The following MTOR variants were observed in gnomAD, a reference collection of about 807,000 sequenced individuals.
MTOR encodes mechanistic target of rapamycin kinase, also known as serine/threonine-protein kinase mTOR.
A neutral mutation model predicts 319.8 loss-of-function variants in MTOR; 70 were observed. The ratio of observed to expected loss-of-function variants is 0.22; its 90% CI spans 0.18 to 0.27. The LOEUF is 0.27. MTOR is among the 10% of genes least tolerant of loss of function. The pLI is 1.00. For missense variants in MTOR, 1,890 were observed against 3,274.4 expected (o/e 0.58, Z 10.32); for synonymous variants, 1,183 against 1,211.4 (o/e 0.98, Z 0.49).
At chr1:11,186,966 G>T (rs1645339901) in intron 28 of MTOR, among the ~76,000 whole-genome samples, 1 of 152,150 alleles carries the variant, frequency 6.6e-6, no homozygotes, top group African/African-American at 2.4e-5. Context: ...AAATGTCAAA[G>T]ACCAGACACT....
At chr1:11,148,627 C>T (rs886795331) in intron 31 of MTOR, among the ~76,000 whole-genome samples, 6 of 152,092 alleles carry the variant, frequency 3.9e-5, no homozygotes, top group African/African-American at 1.4e-4. Context: ...TAGGGCCAGG[C>T]GCTGTGGCTC....
intron 20 of MTOR, among the ~76,000 whole-genome samples, 173 bp from the exon 21 acceptor site, chr1:11,213,739 A>G (rs1295333096): frequency 6.6e-6 from 1 of 152,140 alleles, no homozygotes; most frequent in Non-Finnish European, 1.5e-5. Context: ...TGTTGCAGCT[A>G]CACTGGACAA....
chr1:11,253,598 A>G (rs534991386), intron 6 of MTOR, among the ~76,000 whole-genome samples: 35 of 152,248 alleles, frequency 2.3e-4, no homozygotes, highest in African/African-American at 7.9e-4. Flanking sequence ...CCCCCGTCAA[A>G]TAACACCACC....
chr1:11,225,762 T>C (rs1646815275), intron 19 of MTOR, among the ~76,000 whole-genome samples: 1 of 152,050 alleles, frequency 6.6e-6, no homozygotes. Flanking sequence ...AAATCTCTAG[T>C]AGAAAATTAA....
chr1:11,177,792 G>A (rs187456295), intron 28 of MTOR, among the ~76,000 whole-genome samples: 179 of 152,058 alleles, frequency 1.2e-3, no homozygotes, highest in African/African-American at 2.7e-3. Flanking sequence ...GAATGGGGGC[G>A]CGTGTGCAAA....
At chr1:11,254,931 AT>A (rs999408769) in intron 5 of MTOR, among the ~76,000 whole-genome samples, 1 of 151,770 alleles carries the variant, frequency 6.6e-6, no homozygotes, top group Non-Finnish European at 1.5e-5. Flanking sequence ...GGCCCAGCTA[AT>A]TTTTTTATTT....
chr1:11,173,727 T>C (rs1644897655), intron 28 of MTOR, among the ~76,000 whole-genome samples: 1 of 152,224 alleles, frequency 6.6e-6, no homozygotes, highest in African/African-American at 2.4e-5. Flanking sequence ...TCTTATTTCC[T>C]TCTGAGGAGT....
At chr1:11,177,283 C>T (rs756615059) in intron 28 of MTOR, among the ~76,000 whole-genome samples, 5 of 152,060 alleles carry the variant, frequency 3.3e-5, no homozygotes, top group African/African-American at 4.8e-5. Context: ...TTTGGCTAGG[C>T]GCGGTGGCTC....
In MTOR at chr1:11,139,318, T is replaced by C; in HGVS notation, c.5116A>G (p.Lys1706Glu). 1 of 1,607,766 alleles carries C rather than the reference T, an allele frequency of 6.2e-7. No homozygotes were observed. ...GGGATACAGACCTTGCGGGCACTCTTCCACATGTTTTTCATGTAGGCATAG... is the reference window on the plus strand; with the variant it reads ...GGGATACAGACCTTGCGGGCACTCTCCCACATGTTTTTCATGTAGGCATAG... ...VTYAYMKNMW[K>E]SARKIDAFQH... The change falls in exon 36 of 58, where the codon AAG becomes GAG. Residue 1706 changes from lysine to glutamate, a missense_variant. This residue lies in a region of MTOR where 276 missense variants were observed against 459.4 expected (regional missense o/e 0.60). Transcript: ENST00000361445.
rs536766439 is a variant in MTOR at position 11,135,605 on chromosome 1, G to A, written c.5131-1139C>T. On this transcript the variant is annotated intron_variant, in intron 36 of 57. Transcript: ENST00000361445. ...TCCCAGCACTTTAGGAGGCCGAGGC[G>A]GGTGGATCACCTGAGGTCAGGAGTT... Among the ~76,000 whole-genome samples, 12 of 152,204 alleles carry A rather than the reference G, an allele frequency of 7.9e-5. No homozygotes were observed. In the South Asian group the frequency reaches 8.3e-4, roughly 11 times the overall value.
In MTOR at chr1:11,226,038, G is replaced by A. The variant is rs780764580; in HGVS notation, c.3030+2630C>T. ...TTCTAAGCTGAACTGACATAAGATC[G>A]AAATTTAAAAATACATTATAACCAA... On this transcript the variant is annotated intron_variant, in intron 19 of 57. Transcript: ENST00000361445. Among the ~76,000 whole-genome samples, 13 of 152,028 alleles carry A rather than the reference G, an allele frequency of 8.6e-5. No homozygotes were observed. The East Asian group carries it at 1.7e-3, about 20-fold the overall frequency.
intron 46 of MTOR, 120 bp downstream of exon 46, chr1:11,126,502 A>C: frequency 8.9e-6 from 10 of 1,126,230 alleles, no homozygotes; most frequent in Non-Finnish European, 1.1e-5. Flanking sequence ...TGAGCATGGG[A>C]GAGATGTAGC....
At position 11,129,658 on chromosome 1, in the gene MTOR, A is replaced by G; in HGVS notation, c.5714+80T>C. 1 of 1,283,720 alleles carries G rather than the reference A, an allele frequency of 7.8e-7. No individual in the cohort carries two copies. Among genetic ancestry groups the G allele is most frequent in the Non-Finnish European group, 1.1e-6 (1 of 896,674 alleles). The allele number at this position is 1,283,720 out of a possible 1,614,324, so 79.5% of individuals were successfully genotyped here. Reference sequence around the variant, plus strand: ...GTGTCCTGATCAGGGTCAGGAAGGGAAAGAGGACTTTTACGTGTGACTTCT... The same window carrying G: ...GTGTCCTGATCAGGGTCAGGAAGGGGAAGAGGACTTTTACGTGTGACTTCT... On this transcript the variant is annotated intron_variant, in intron 40 of 57. Coordinates refer to ENST00000361445, the MANE Select transcript of MTOR (RefSeq NM_004958.4). The surrounding 1 kb of genome is among the most constrained non-coding windows in gnomAD (Gnocchi z 4.7).
At chr1:11,118,938 T>G (rs1557743920) in intron 49 of MTOR, among the ~76,000 whole-genome samples, 1 of 151,890 alleles carries the variant, frequency 6.6e-6, no homozygotes, top group Non-Finnish European at 1.5e-5. Context: ...ATAGGTGTGG[T>G]CTTAATGTGC....
intron 19 of MTOR, among the ~76,000 whole-genome samples, chr1:11,221,388 T>C (rs1334395179): frequency 1.3e-5 from 2 of 152,060 alleles, no homozygotes; most frequent in Non-Finnish European, 2.9e-5. Flanking sequence ...GCACAATCAC[T>C]CAAGAAGAAT....
intron 28 of MTOR, chr1:11,195,189 C>G: frequency 1.3e-6 from 1 of 754,926 alleles, no homozygotes; most frequent in Non-Finnish European, 2.1e-6. Flanking sequence ...TCATATGTAC[C>G]AAGGATGTTA....
Position 11,147,925 on chromosome 1 carries a change from G to A in MTOR, c.4571-1134C>T, listed in dbSNP as rs192084493. On this transcript the variant is annotated intron_variant, in intron 31 of 57. Coordinates refer to ENST00000361445, the MANE Select transcript of MTOR (RefSeq NM_004958.4). ...CTGCTTTAACTCTGGGAGTAGGAGT[G>A]AGGTGGGTAAGAATTGGGCAGCAAA... Among the ~76,000 whole-genome samples the A allele has an allele frequency of 3.3e-5, 5 of 152,318 alleles. No individual in the cohort carries two copies. In the East Asian group the frequency reaches 9.6e-4, roughly 29 times the overall value.
rs1322170510 is a variant in MTOR at position 11,132,274 on chromosome 1, G to A, written c.5364+806C>T. On this transcript the variant is annotated intron_variant, in intron 38 of 57. Transcript: ENST00000361445. Reference sequence around the variant, plus strand: ...TAGTGTTTACCGGATGTATTTTCCAGCTTTGGACATGCAAGCTGTCCTAGA... The same window carrying A: ...TAGTGTTTACCGGATGTATTTTCCAACTTTGGACATGCAAGCTGTCCTAGA... The A allele has an allele frequency of 2.0e-5, 3 of 152,316 alleles. No individual in the cohort carries two copies. In the East Asian group the frequency reaches 5.8e-4, roughly 29 times the overall value. 9.4% of individuals were successfully genotyped at this position (152,316 alleles called of 1,614,324 possible). A position where few individuals can be genotyped will look rare whatever the true frequency, so the allele number is the denominator to read the frequency against.
rs1401888035 is a variant in MTOR at position 11,133,946 on chromosome 1, T to C, written c.5246+405A>G. On this transcript the variant is annotated intron_variant, in intron 37 of 57. Transcript: ENST00000361445. This position sits in a 1 kb window ranked among gnomAD's most constrained non-coding sequence, Gnocchi z 4.0. The stretch of plus-strand genomic sequence containing the variant: ...TAGAGACCTCATTTCTACAAAAAAC[T>C]AGCCAGTGTGGTGGCACGTGCCTAT... Among the ~76,000 whole-genome samples the C allele has an allele frequency of 2.6e-5, 4 of 151,994 alleles. No homozygotes were observed. The highest frequency in any genetic ancestry group is 9.7e-5 in the African/African-American group (4 of 41,376).
Sources: allele counts gnomAD v4.1 joint callset (sites outside exome capture counted in the v4.1 genomes callset), GRCh38; gene constraint gnomAD v4.1.1; regional missense constraint gnomAD v4.1.1; non-coding constraint Gnocchi (gnomAD v3.1); transcripts MANE v1.5; gene names NCBI Gene and HGNC (gene_info 2026-07-23, HGNC 2026-07-21).